Variants in SH2B1 observed in about 807,000 individuals in gnomAD.
SH2B1 encodes the protein SH2B adapter protein 1.
In SH2B1, 15 loss-of-function variants were observed where a neutral mutation model predicts 62.6. The ratio of observed to expected loss-of-function variants is 0.24; its 90% CI spans 0.16 to 0.37. The LOEUF is 0.37. SH2B1 is among the 10% of genes least tolerant of loss of function. SH2B1 has a pLI of 1.00. For synonymous variants in SH2B1, 443 were observed against 438.0 expected (o/e 1.01, Z -0.14); for missense variants, 925 against 1,015.6 (o/e 0.91, Z 1.21).
intron 2 of SH2B1, among the ~76,000 whole-genome samples, chr16:28,868,439 C>CTATTT (rs1328676270): frequency 3.3e-5 from 5 of 151,954 alleles, no homozygotes; most frequent in Non-Finnish European, 7.4e-5. Flanking sequence ...TGCGCCTGGC[C>CTATTT]TATTTTATTT....
rs1190336745 is a variant in SH2B1, at chr16:28,852,732, A to T, written c.-301+5905A>T. ...TATATTTACATATATATTTATATATATACATATATATATTTACATATATAT... is the reference window on the plus strand; with the variant it reads ...TATATTTACATATATATTTATATATTTACATATATATATTTACATATATAT... On this transcript the variant is annotated intron_variant, in intron 1 of 10. Transcript: ENST00000322610. Among the ~76,000 whole-genome samples, 13 of 64,668 alleles carry T rather than the reference A, an allele frequency of 2.0e-4. 1 individual carries two copies. The highest frequency in any genetic ancestry group is 1.2e-3 in the East Asian group (3 of 2,506). The allele number at this position is 64,668 out of a possible 152,430, so 42.4% of individuals were successfully genotyped here. A position where few individuals can be genotyped will look rare whatever the true frequency, so the allele number is the denominator to read the frequency against.
chr16:28,848,105 C>T (rs932472705), intron 1 of SH2B1, among the ~76,000 whole-genome samples: 3 of 151,530 alleles, frequency 2.0e-5, no homozygotes, highest in Non-Finnish European at 4.4e-5. Flanking sequence ...GGACTACAGG[C>T]GTGAGCTACC....
chr16:28,866,435 G>A lies in SH2B1; in HGVS notation c.341G>A (p.Gly114Asp). ...CTGTCCCTTGAGAGCTGCAGGGTGG[G>A]TGGGCCCCTGGCTGTGCTGGGCCCT... is the stretch of plus-strand genomic sequence containing the variant. ...HDLSLESCRV[G>D]GPLAVLGPSR... Residue 114 changes from glycine to aspartate, a missense_variant, in exon 1 of 8, where the codon GGT becomes GAT. By Grantham distance (94) the Gly-to-Asp change is moderately conservative (BLOSUM62 -1). Transcript: ENST00000684370. The surrounding 1 kb of genome is among the most constrained non-coding windows in gnomAD (Gnocchi z 6.3). 1.2e-6 allele frequency: 2 copies of A among 1,613,976 alleles called. No homozygotes were observed. Among genetic ancestry groups the A allele is most frequent in the South Asian group, 1.1e-5 (1 of 91,086 alleles).
At chr16:28,861,010 G>C (rs1313385154), upstream of SH2B1, among the ~76,000 whole-genome samples, 1 of 151,942 alleles carries the variant, frequency 6.6e-6, no homozygotes, top group East Asian at 1.9e-4. Flanking sequence ...TAGAGATGAG[G>C]TTTCGCCATG....
At position 28,866,108 on chromosome 16, in the gene SH2B1, C is replaced by G; in HGVS notation, c.14C>G (p.Pro5Arg). Reference sequence around the variant, plus strand: ...CTGGGGCCCATCATGAATGGTGCCCCTTCCCCAGAGGACGGGGCCTCCCCC... The same window carrying G: ...CTGGGGCCCATCATGAATGGTGCCCGTTCCCCAGAGGACGGGGCCTCCCCC... MNGA[P>R]SPEDGASPSS... The change falls in exon 1 of 8, where the codon CCT (proline) becomes CGT (arginine). Residue 5 changes from proline to arginine, a missense_variant. Coordinates refer to ENST00000684370, the MANE Select transcript of SH2B1 (RefSeq NM_001387430.1). The surrounding 1 kb of genome is among the most constrained non-coding windows in gnomAD (Gnocchi z 6.3). 3 of 1,577,114 alleles carry G rather than the reference C, an allele frequency of 1.9e-6. No individual in the cohort carries two copies. Among genetic ancestry groups the G allele is most frequent in the Non-Finnish European group, 2.6e-6 (3 of 1,164,294 alleles).
chr16:28,850,316 G>A (rs1480523467), intron 1 of SH2B1, among the ~76,000 whole-genome samples: 1 of 152,142 alleles, frequency 6.6e-6, no homozygotes, highest in Admixed American at 6.5e-5. Context: ...ACTGCCGGGG[G>A]CACTGAAACC....
chr16:28,848,668 CT>C (rs745489496), intron 1 of SH2B1, among the ~76,000 whole-genome samples: 10,806 of 109,012 alleles, frequency 0.099, 534 homozygotes, highest in South Asian at 0.23. Flanking sequence ...CCGCACTGTC[CT>C]TTTTTTTTTT....
intron 4 of SH2B1, among the ~76,000 whole-genome samples, chr16:28,869,938 C>T (rs1962940972): frequency 6.6e-6 from 1 of 152,206 alleles, no homozygotes; most frequent in Non-Finnish European, 1.5e-5. Context: ...GTGCCTAGCA[C>T]ACAGGCTGTA....
At position 28,869,235 on chromosome 16, in the gene SH2B1, C is replaced by T. The variant is rs1189238964; in HGVS notation, c.1161C>T (p.Pro387=). ...CCTGCCCTGCTACCAGTCCCCGCCC[C>T]ATGACCCTCCCTCTGGCCCCTGGGA... The part of the protein sequence containing the change: ...PGPCPATSPR[P]MTLPLAPGTS... The change falls in exon 4 of 8, where the codon CCC becomes CCT. Residue 387 remains proline (P), a synonymous_variant. Transcript: ENST00000684370. The T allele has an allele frequency of 1.9e-6, 3 of 1,614,200 alleles. No homozygotes were observed. Among genetic ancestry groups the T allele is most frequent in the African/African-American group, 1.3e-5 (1 of 75,058 alleles).
chr16:28,848,438 CA>C (rs1157259839), intron 1 of SH2B1, among the ~76,000 whole-genome samples: 13 of 145,202 alleles, frequency 9.0e-5, no homozygotes, highest in East Asian at 2.0e-4. Context: ...ACTCCGTCTC[CA>C]AAAAAAAAAA....
At chr16:28,867,121 C>G in intron 1 of SH2B1, 88 bp downstream of exon 1, 1 of 1,552,694 alleles carries the variant, frequency 6.4e-7, no homozygotes, top group Non-Finnish European at 8.8e-7. Flanking sequence ...CTGGGGTTTA[C>G]CAGCCCATGG....
Position 28,864,967 on chromosome 16 carries a change from T to C in SH2B1, c.-1128T>C. On this transcript the variant is annotated 5_prime_UTR_variant, in exon 1 of 8. Coordinates refer to ENST00000684370, the MANE Select transcript of SH2B1 (RefSeq NM_001387430.1). ...GTTTAACAGATAGAAAAACGGAGGC[T>C]CAGAGAGGACGTGGAATTTGTTCAA... 1 of 433,632 alleles carries C rather than the reference T, an allele frequency of 2.3e-6. No individual in the cohort carries two copies. Among genetic ancestry groups the C allele is most frequent in the Non-Finnish European group, 3.1e-6 (1 of 325,666 alleles). The allele number at this position is 433,632 out of a possible 1,614,324, so 26.9% of individuals were successfully genotyped here.
upstream of SH2B1, chr16:28,863,452 G>T (rs1440393521): frequency 6.2e-6 from 3 of 484,006 alleles, no homozygotes; most frequent in Admixed American, 1.1e-4. Context: ...CAGCGGGGCC[G>T]GCGCTCTAGG....
Position 28,865,667 on chromosome 16 carries a change from G to C in SH2B1, c.-428G>C. 1.0e-6 allele frequency: 1 copy of C among 997,066 alleles called. No homozygotes were observed. Among genetic ancestry groups the C allele is most frequent in the Non-Finnish European group, 1.2e-6 (1 of 838,348 alleles). The allele number at this position is 997,066 out of a possible 1,614,324, so 61.8% of individuals were successfully genotyped here. A position where few individuals can be genotyped will look rare whatever the true frequency, so the allele number is the denominator to read the frequency against. ...GAGCCTCTAGAATGGCTCATGGGAAGTGTGACATGAATATTGGAGGATCCG... is the reference window on the plus strand; with the variant it reads ...GAGCCTCTAGAATGGCTCATGGGAACTGTGACATGAATATTGGAGGATCCG... On this transcript the variant is annotated 5_prime_UTR_variant, in exon 1 of 8. Transcript: ENST00000684370.
rs777834244 is a variant in SH2B1, at chr16:28,873,470, C to T, written c.1921C>T (p.Pro641Ser). Residue 641 changes from proline to serine, a missense_variant, in exon 8 of 8, where the codon CCC (proline) becomes TCC (serine). Transcript: ENST00000684370. The surrounding 1 kb of genome is among the most constrained non-coding windows in gnomAD (Gnocchi z 4.2). ...AGAACCGACCACCTCCCATGACCCACCCCAGCCCCCTGAACCCCCTTCATG... is the reference window on the plus strand; with the variant it reads ...AGAACCGACCACCTCCCATGACCCATCCCAGCCCCCTGAACCCCCTTCATG... ...QQEPTTSHDP[P>S]QPPEPPSWTD... is the part of the protein sequence containing the mutation. 38 of 1,567,432 alleles carry T rather than the reference C, an allele frequency of 2.4e-5. No individual in the cohort carries two copies. The highest frequency in any genetic ancestry group is 3.0e-5 in the Non-Finnish European group (35 of 1,161,290).
At chr16:28,861,848 T>C (rs1962452967), upstream of SH2B1, 1 of 152,248 alleles carries the variant, frequency 6.6e-6, no homozygotes, top group African/African-American at 2.4e-5. Flanking sequence ...TCTGGAAATT[T>C]CATTGGGAAT....
intron 2 of SH2B1, 34 bp from the exon 3 acceptor site, chr16:28,868,972 C>G: frequency 6.5e-7 from 1 of 1,546,146 alleles, no homozygotes; most frequent in Non-Finnish European, 8.9e-7. Context: ...CTCCCTGCCC[C>G]TGCCCCAGCT....
chr16:28,865,381 C>T lies in SH2B1; in HGVS notation c.-714C>T, dbSNP rs1008797590. 4.5e-5 allele frequency: 44 copies of T among 985,568 alleles called. No homozygotes were observed. The highest frequency in any genetic ancestry group is 7.0e-5 in the African/African-American group (4 of 57,236). 61.1% of individuals were successfully genotyped at this position (985,568 alleles called of 1,614,324 possible). The stretch of plus-strand genomic sequence containing the variant: ...CATGCATCCATCCTCATTAATGAAT[C>T]GGCCCCCTCCAAAGAGTTGGACCCT... On this transcript the variant is annotated 5_prime_UTR_variant, in exon 1 of 8. Transcript: ENST00000684370.
At chr16:28,863,745 G>T (rs767904646), upstream of SH2B1, 98 of 1,535,580 alleles carry the variant, frequency 6.4e-5, no homozygotes, top group Non-Finnish European at 7.8e-5. Flanking sequence ...CGAGTGGGAG[G>T]ATGGCGGAAG....
Sources: allele counts gnomAD v4.1 joint callset (sites outside exome capture counted in the v4.1 genomes callset), GRCh38; gene constraint gnomAD v4.1.1; non-coding constraint Gnocchi (gnomAD v3.1); transcripts MANE v1.5; gene names NCBI Gene and HGNC (gene_info 2026-07-23, HGNC 2026-07-21).